REC114: variants seen among roughly 807,000 people sequenced by gnomAD.
The protein encoded by REC114 is REC114 meiotic recombination protein, also known as meiotic recombination protein REC114.
In REC114, 27 loss-of-function variants were observed where a neutral mutation model predicts 31.3. The observed-to-expected ratio is 0.86, with a 90% CI of 0.64 to 1.19. The LOEUF is 1.19. Ranked by LOEUF, REC114 falls within the 50% of genes most tolerant of loss-of-function variation. REC114 has a pLI of 0.00. For synonymous variants in REC114, 134 were observed against 127.7 expected, an observed-to-expected ratio of 1.05 and a Z score of -0.33; for missense variants, 344 against 326.9, an observed-to-expected ratio of 1.05 and a Z score of -0.40.
At chr15:73,492,651 C>T (rs984898294) in intron 2 of REC114, among the ~76,000 whole-genome samples, 3 of 152,098 alleles carry the variant, frequency 2.0e-5, no homozygotes, top group African/African-American at 7.2e-5. Context: ...CTTGATGATG[C>T]CGATTATACT....
chr15:73,517,017 TGAG>T (rs897573906), intron 2 of REC114, among the ~76,000 whole-genome samples: 3 of 152,074 alleles, frequency 2.0e-5, no homozygotes, highest in South Asian at 2.1e-4. Flanking sequence ...CTGGGGAAGG[TGAG>T]GAGGGAGTTG....
intron 1 of REC114, among the ~76,000 whole-genome samples, chr15:73,461,455 A>G (rs906941487): frequency 2.6e-5 from 4 of 152,192 alleles, no homozygotes; most frequent in Admixed American, 1.3e-4. Flanking sequence ...GATCTAGTAC[A>G]TAATTTAATT....
intron 2 of REC114, among the ~76,000 whole-genome samples, chr15:73,515,889 A>G (rs1893851900): frequency 6.6e-6 from 1 of 152,174 alleles, no homozygotes. Context: ...TTTTATGAAT[A>G]TAGGATGTGT....
chr15:73,528,706 C>G (rs968696530), intron 2 of REC114, among the ~76,000 whole-genome samples: 1 of 152,186 alleles, frequency 6.6e-6, no homozygotes, highest in African/African-American at 2.4e-5. Flanking sequence ...TGGAACACAG[C>G]CATGCTTATT....
intron 3 of REC114, among the ~76,000 whole-genome samples, chr15:73,549,061 G>T (rs1164992883): frequency 6.6e-6 from 1 of 151,974 alleles, no homozygotes; most frequent in Non-Finnish European, 1.5e-5. Flanking sequence ...GAAAAATAAC[G>T]AATGGGTACT....
chr15:73,525,488 T>G (rs1414629254), intron 2 of REC114, among the ~76,000 whole-genome samples: 1 of 152,082 alleles, frequency 6.6e-6, no homozygotes, highest in Admixed American at 6.5e-5. Context: ...AGCTTTCCTT[T>G]GAGTACTATT....
rs764358509 is a variant in REC114, at chr15:73,556,303, C to T, written c.548C>T (p.Ser183Phe). Residue 183 changes from serine to phenylalanine, a missense_variant and splice_region_variant, in exon 5 of 6, where the codon TCC (serine) becomes TTC (phenylalanine). Ser to Phe is a radical substitution (Grantham distance 155, BLOSUM62 -2). Coordinates refer to ENST00000331090, the MANE Select transcript of REC114 (RefSeq NM_001042367.2). ...SAKSVPRQPGSHQHSEQQQVC... is the reference protein window; with the variant it reads ...SAKSVPRQPGFHQHSEQQQVC... ...TTATTGCATGTTGTTTTATTCCAGT[C>T]CCACCAGCACTCAGAACAACAGCAA... 2 of 1,612,848 alleles carry T rather than the reference C, an allele frequency of 1.2e-6. No individual in the cohort carries two copies. Among genetic ancestry groups the T allele is most frequent in the Non-Finnish European group, 8.5e-7 (1 of 1,179,424 alleles).
chr15:73,459,891 G>A (rs1337757630), intron 1 of REC114, among the ~76,000 whole-genome samples: 1 of 152,160 alleles, frequency 6.6e-6, no homozygotes, highest in African/African-American at 2.4e-5. Flanking sequence ...TAATGTAAGT[G>A]AGAAACCTTT....
Position 73,551,101 on chromosome 15 carries a change from C to G in REC114, c.497C>G (p.Thr166Ser), listed in dbSNP as rs772925044. The change falls in exon 4 of 6, where the codon ACT becomes AGT. Residue 166 changes from threonine (T) to serine (S), a missense_variant. Thr to Ser is a moderately conservative substitution (Grantham distance 58). Coordinates refer to ENST00000331090, the MANE Select transcript of REC114 (RefSeq NM_001042367.2). ...CTGATTCCTGGCCCACCCAGGGCAA[C>G]TGAAAGTCAAGGGAAGGATTCTGCA... ...LQLIPGPPRA[T>S]ESQGKDSAKS... is the part of the protein sequence containing the mutation. 1 of 1,613,164 alleles carries G rather than the reference C, an allele frequency of 6.2e-7. No homozygotes were observed. Among genetic ancestry groups the G allele is most frequent in the South Asian group, 1.1e-5 (1 of 90,978 alleles).
intron 5 of REC114, among the ~76,000 whole-genome samples, chr15:73,557,540 T>G (rs548164271): frequency 6.6e-6 from 1 of 152,320 alleles, no homozygotes; most frequent in East Asian, 1.9e-4. Flanking sequence ...TCATGTTTAT[T>G]TCTTTTAATA....
At chr15:73,447,897 A>G (rs1317878664) in intron 1 of REC114, among the ~76,000 whole-genome samples, 1 of 151,842 alleles carries the variant, frequency 6.6e-6, no homozygotes, top group African/African-American at 2.4e-5. Flanking sequence ...GGGTTGGGGA[A>G]TCTCCCTCCC....
chr15:73,535,267 A>G (rs1043356792), intron 2 of REC114, among the ~76,000 whole-genome samples: 3 of 151,766 alleles, frequency 2.0e-5, no homozygotes, highest in African/African-American at 7.3e-5. Flanking sequence ...ACGTGATTGT[A>G]TATCTAGAAA....
intron 2 of REC114, among the ~76,000 whole-genome samples, chr15:73,502,163 A>AG (rs66815143): frequency 9.8e-4 from 149 of 151,916 alleles, no homozygotes; most frequent in Non-Finnish European, 1.9e-3. Flanking sequence ...TCTTAAAAAA[A>AG]AAAAAATGAC....
chr15:73,477,841 C>T (rs1392536432), intron 2 of REC114, among the ~76,000 whole-genome samples: 1 of 151,876 alleles, frequency 6.6e-6, no homozygotes, highest in Non-Finnish European at 1.5e-5. Context: ...TGTAGTGGTC[C>T]TTCTTTCCCA....
chr15:73,474,428 C>A (rs1893181051), intron 2 of REC114, among the ~76,000 whole-genome samples: 2 of 151,606 alleles, frequency 1.3e-5, no homozygotes, highest in Admixed American at 1.3e-4. Context: ...AAATAAGAAT[C>A]AACTTGGTTG....
At chr15:73,446,847 G>A (rs1012992484) in intron 1 of REC114, among the ~76,000 whole-genome samples, 1 of 152,176 alleles carries the variant, frequency 6.6e-6, no homozygotes, top group Admixed American at 6.5e-5. Flanking sequence ...ACAGTTTTAA[G>A]CAGAGGCATT....
intron 2 of REC114, among the ~76,000 whole-genome samples, chr15:73,492,276 G>C (rs1420651573): frequency 2.6e-5 from 4 of 152,032 alleles, no homozygotes; most frequent in African/African-American, 9.7e-5. Flanking sequence ...TCTCCTGTCT[G>C]CCTTCTTTTG....
rs1429109882 is a variant in REC114, at chr15:73,551,031, T to C, written c.427T>C (p.Tyr143His). 15 of 1,613,756 alleles carry C rather than the reference T, an allele frequency of 9.3e-6. No individual in the cohort carries two copies. Among genetic ancestry groups the C allele is most frequent in the Non-Finnish European group, 1.2e-5 (14 of 1,179,842 alleles). The part of the protein sequence containing the change: ...CCSCVQKLAQ[Y>H]ITVQVPDGNI... ...CAGTTGTGTTCAGAAGCTGGCACAA[T>C]ACATAACCGTGCAGGTGCCTGATGG... Residue 143 changes from tyrosine to histidine, a missense_variant, in exon 4 of 6, where the codon TAC becomes CAC. Physicochemically the swap from Tyr to His is moderately conservative, Grantham distance 83. Coordinates refer to ENST00000331090, the MANE Select transcript of REC114 (RefSeq NM_001042367.2).
Position 73,556,391 on chromosome 15 carries a change from G to A in REC114, c.636G>A (p.Gln212=), listed in dbSNP as rs750717738. ...DGRTSLTQLA[Q]TLLASEELPH... is the part of the protein sequence containing the mutation. ...GGACCTCACTGACGCAGTTAGCTCAGGTAGAGCTTATTTCTGTGTTCAATT... is the reference window on the plus strand; with the variant it reads ...GGACCTCACTGACGCAGTTAGCTCAAGTAGAGCTTATTTCTGTGTTCAATT... The change falls in exon 5 of 6, where the codon CAG becomes CAA. Residue 212 remains glutamine (Q), a splice_region_variant and synonymous_variant. Coordinates refer to ENST00000331090, the MANE Select transcript of REC114 (RefSeq NM_001042367.2). 6.2e-7 allele frequency: 1 copy of A among 1,611,768 alleles called. No individual in the cohort carries two copies. Among genetic ancestry groups the A allele is most frequent in the Non-Finnish European group, 8.5e-7 (1 of 1,178,678 alleles).
Sources: gnomAD v4.1 joint callset for allele counts (sites outside exome capture counted in the v4.1 genomes callset) on GRCh38, gnomAD v4.1.1 for gene constraint, MANE v1.5 for transcripts, NCBI Gene and HGNC (gene_info 2026-07-23, HGNC 2026-07-21) for gene names.